LSAMP: variants seen among roughly 807,000 people sequenced by gnomAD.
The protein encoded by LSAMP is limbic system-associated membrane protein.
In LSAMP, 7 loss-of-function variants were observed where a neutral mutation model predicts 38.6. The ratio of observed to expected loss-of-function variants is 0.18; its 90% confidence interval spans 0.10 to 0.34. The LOEUF (loss-of-function observed/expected upper bound fraction) is 0.34. LSAMP is among the 10% of genes least tolerant of loss of function. The probability of loss-of-function intolerance (pLI) is 1.00; values close to 1 mark genes in which losing one functional copy is unlikely to be tolerated. For synonymous variants in LSAMP, 154 were observed against 166.8 expected, an observed-to-expected ratio of 0.92 and a Z score of 0.59; for missense variants, 313 against 420.0, an observed-to-expected ratio of 0.75 and a Z score of 2.23.
At chr3:116,173,274 G>A in intron 1 of LSAMP, among the ~76,000 whole-genome samples, 1 of 152,000 alleles carries the variant, frequency 6.6e-6, no homozygotes, top group East Asian at 1.9e-4. Context: ...TTGTAACAAA[G>A]CAGACCTCTA....
chr3:116,403,706 A>G (rs980681386), intron 1 of LSAMP, among the ~76,000 whole-genome samples: 8 of 152,080 alleles, frequency 5.3e-5, no homozygotes, highest in African/African-American at 1.7e-4. Context: ...TGATTGATTA[A>G]CCACACTAAA....
At chr3:116,377,604 G>A (rs1437195689) in intron 1 of LSAMP, among the ~76,000 whole-genome samples, 1 of 151,970 alleles carries the variant, frequency 6.6e-6, no homozygotes, top group African/African-American at 2.4e-5. Context: ...CTAGTAATTG[G>A]ATTGCTGGGT....
chr3:116,002,550 G>GA (rs200465172), intron 3 of LSAMP, among the ~76,000 whole-genome samples: 497 of 151,052 alleles, frequency 3.3e-3, no homozygotes, highest in African/African-American at 0.012. Context: ...GCATCCCTTG[G>GA]AAAAAAAAAT....
At chr3:116,301,199 G>A (rs948741456) in intron 1 of LSAMP, among the ~76,000 whole-genome samples, 2 of 152,012 alleles carry the variant, frequency 1.3e-5, no homozygotes, top group Non-Finnish European at 1.5e-5. Flanking sequence ...ATAGAAATAT[G>A]CAATAAAAAG....
At chr3:115,915,133 C>T (rs531464821) in intron 3 of LSAMP, among the ~76,000 whole-genome samples, 3 of 152,318 alleles carry the variant, frequency 2.0e-5, no homozygotes, top group African/African-American at 4.8e-5. Flanking sequence ...AAAATTGGGG[C>T]ACCTGGGATT....
chr3:116,046,138 C>G (rs1047963279), intron 2 of LSAMP, among the ~76,000 whole-genome samples: 8 of 152,214 alleles, frequency 5.3e-5, no homozygotes, highest in African/African-American at 1.9e-4. Flanking sequence ...TATAAGGAAA[C>G]TCAGTCAACA....
rs1038435309 is a variant in LSAMP, at chr3:116,057,777, T to C, written c.388+28547A>G. Among the ~76,000 whole-genome samples the C allele has an allele frequency of 3.9e-5, 6 of 152,242 alleles. No individual in the cohort carries two copies. In the South Asian group the frequency reaches 6.2e-4, roughly 16 times the overall value. ...CAATCATGCCTGAAATTAAACACCC[T>C]TGTGTTTTCCAGTTACATGGGGGCA... On this transcript the variant is annotated intron_variant, in intron 2 of 6. Coordinates refer to ENST00000490035, the MANE Select transcript of LSAMP (RefSeq NM_002338.5).
intron 3 of LSAMP, among the ~76,000 whole-genome samples, chr3:115,886,887 G>C (rs1936467927): frequency 2.0e-5 from 3 of 151,876 alleles, no homozygotes; most frequent in African/African-American, 4.8e-5. Flanking sequence ...TGTTCAAATG[G>C]TTGAGTGTTT....
At chr3:116,350,432 G>T (rs1297934639) in intron 1 of LSAMP, among the ~76,000 whole-genome samples, 2 of 151,992 alleles carry the variant, frequency 1.3e-5, no homozygotes, top group African/African-American at 4.8e-5. Flanking sequence ...GAAAATTCTA[G>T]AAATAAGCAA....
At chr3:116,395,272 G>A (rs995830024) in intron 1 of LSAMP, among the ~76,000 whole-genome samples, 7 of 152,152 alleles carry the variant, frequency 4.6e-5, no homozygotes, top group Non-Finnish European at 8.8e-5. Context: ...ACATTAGATC[G>A]GAAATGGCAT....
At chr3:115,838,789 G>T (rs1019344767) in intron 6 of LSAMP, among the ~76,000 whole-genome samples, 2 of 152,200 alleles carry the variant, frequency 1.3e-5, no homozygotes, top group Non-Finnish European at 2.9e-5. Flanking sequence ...TGAATAGAGA[G>T]TGGGGAAGTG....
chr3:116,041,543 G>C (rs1207076848), intron 2 of LSAMP, among the ~76,000 whole-genome samples: 1 of 151,352 alleles, frequency 6.6e-6, no homozygotes, highest in African/African-American at 2.4e-5. Context: ...TCTTCTGCTT[G>C]TTCCTGTATT....
chr3:116,342,755 C>G (rs950370536), intron 1 of LSAMP, among the ~76,000 whole-genome samples: 2 of 152,042 alleles, frequency 1.3e-5, no homozygotes, highest in African/African-American at 4.8e-5. Flanking sequence ...TGCTTTATGA[C>G]ATAGGAAGCT....
At position 115,910,211 on chromosome 3, in the gene LSAMP, TTC is replaced by T. The variant is rs1233461139; in HGVS notation, c.515-57596_515-57595del. Among the ~76,000 whole-genome samples the T allele has an allele frequency of 3.9e-5, 6 of 152,216 alleles. No homozygotes were observed. In the East Asian group the frequency reaches 1.2e-3, roughly 29 times the overall value. ...TAGAATCCAGGTCTTTTGCTCAATC[TTC>T]TCTTTTTTCCACCAAGCACTCCTCA... On this transcript the variant is annotated intron_variant, in intron 3 of 6. Coordinates refer to ENST00000490035, the MANE Select transcript of LSAMP (RefSeq NM_002338.5).
chr3:115,968,433 C>T (rs1938898264), intron 3 of LSAMP, among the ~76,000 whole-genome samples: 1 of 152,044 alleles, frequency 6.6e-6, no homozygotes, highest in Non-Finnish European at 1.5e-5. Context: ...GGACTGGGTC[C>T]TTTCCTTCAA....
In LSAMP at chr3:115,848,421, C is replaced by G. The variant is rs1201807742; in HGVS notation, c.649+4062G>C. Among the ~76,000 whole-genome samples the G allele has an allele frequency of 2.6e-5, 4 of 152,272 alleles. No individual in the cohort carries two copies. The East Asian group carries it at 7.7e-4, about 29-fold the overall frequency. Reference sequence around the variant, plus strand: ...CCTGGGCAACAGGGTGAGACCCTGTCTCAAAAACAAACAAACAAAAAAGTT... The same window carrying G: ...CCTGGGCAACAGGGTGAGACCCTGTGTCAAAAACAAACAAACAAAAAAGTT... On this transcript the variant is annotated intron_variant, in intron 4 of 6. Coordinates refer to ENST00000490035, the MANE Select transcript of LSAMP (RefSeq NM_002338.5).
chr3:116,425,162 T>A (rs1307808876), intron 1 of LSAMP, among the ~76,000 whole-genome samples: 1 of 152,164 alleles, frequency 6.6e-6, no homozygotes, highest in Non-Finnish European at 1.5e-5. Flanking sequence ...AGAAAGTAGT[T>A]TTAAAACAAT....
At chr3:116,067,802 C>T (rs1227475591) in intron 2 of LSAMP, among the ~76,000 whole-genome samples, 1 of 151,910 alleles carries the variant, frequency 6.6e-6, no homozygotes, top group Non-Finnish European at 1.5e-5. Context: ...AGTCTGCATC[C>T]CCCAAAACAA....
At chr3:116,347,027 A>G (rs889458943) in intron 1 of LSAMP, among the ~76,000 whole-genome samples, 1 of 152,196 alleles carries the variant, frequency 6.6e-6, no homozygotes, top group Admixed American at 6.5e-5. Flanking sequence ...TACTCGGTCT[A>G]TGATAAAACA....
Sources: gnomAD v4.1 joint callset for allele counts (sites outside exome capture counted in the v4.1 genomes callset) on GRCh38, gnomAD v4.1.1 for gene constraint, MANE v1.5 for transcripts, NCBI Gene and HGNC (gene_info 2026-07-23, HGNC 2026-07-21) for gene names.